ZBTB7C: variants seen among roughly 807,000 people sequenced by gnomAD.
ZBTB7C encodes the protein zinc finger and BTB domain containing 7C, also known as zinc finger and BTB domain-containing protein 7C.
A neutral mutation model predicts 25.7 loss-of-function variants in ZBTB7C; 8 were observed. The ratio of observed to expected loss-of-function variants is 0.31; its 90% CI spans 0.18 to 0.56. The LOEUF (loss-of-function observed/expected upper bound fraction) is 0.56. Ranked by LOEUF, ZBTB7C falls within the 20% of genes least tolerant of loss-of-function variation. ZBTB7C has a pLI of 0.91. For synonymous variants in ZBTB7C, 394 were observed against 369.0 expected, an observed-to-expected ratio of 1.07 and a Z score of -0.78; for missense variants, 824 against 855.2, an observed-to-expected ratio of 0.96 and a Z score of 0.46.
At chr18:48,037,382 C>A (rs997364377) in intron 4 of ZBTB7C, among the ~76,000 whole-genome samples, 1 of 152,220 alleles carries the variant, frequency 6.6e-6, no homozygotes, top group African/African-American at 2.4e-5. Flanking sequence ...AAGTGACCAT[C>A]AGGAATGTGC....
intron 1 of ZBTB7C, among the ~76,000 whole-genome samples, chr18:48,399,795 C>T (rs2048117767): frequency 6.6e-6 from 1 of 152,166 alleles, no homozygotes; most frequent in Non-Finnish European, 1.5e-5. Flanking sequence ...ATTAAAACCC[C>T]AAATCCCCAC....
intron 3 of ZBTB7C, among the ~76,000 whole-genome samples, chr18:48,119,436 G>C (rs897608927): frequency 1.3e-5 from 2 of 152,202 alleles, no homozygotes; most frequent in Non-Finnish European, 2.9e-5. Context: ...GAAGACCTGC[G>C]TTCCACACAT....
chr18:48,164,712 C>G (rs2041182434), intron 3 of ZBTB7C, among the ~76,000 whole-genome samples: 1 of 152,146 alleles, frequency 6.6e-6, no homozygotes, highest in Admixed American at 6.5e-5. Context: ...TTCTCTGGAT[C>G]TCTCAGAAAG....
At chr18:48,267,856 C>T (rs1252673476) in intron 2 of ZBTB7C, among the ~76,000 whole-genome samples, 1 of 152,198 alleles carries the variant, frequency 6.6e-6, no homozygotes, top group Non-Finnish European at 1.5e-5. Context: ...CTACGGGCAC[C>T]TTGATCTTGG....
intron 2 of ZBTB7C, among the ~76,000 whole-genome samples, chr18:48,194,584 G>A (rs1392469600): frequency 6.6e-6 from 1 of 151,056 alleles, no homozygotes. Flanking sequence ...GGATGGGGAG[G>A]ATTTGGAGAG....
chr18:48,132,969 T>C (rs1374694952), intron 3 of ZBTB7C, among the ~76,000 whole-genome samples: 1 of 152,226 alleles, frequency 6.6e-6, no homozygotes, highest in Non-Finnish European at 1.5e-5. Flanking sequence ...CTGGTTTGCA[T>C]CTAATTTGGA....
At chr18:48,327,491 C>G (rs995652934) in intron 2 of ZBTB7C, among the ~76,000 whole-genome samples, 3 of 152,228 alleles carry the variant, frequency 2.0e-5, no homozygotes, top group African/African-American at 7.2e-5. Context: ...TGATCCCCAG[C>G]TCACAGCCAT....
chr18:48,245,108 A>ATATATATATATATATATATATATATATAT (rs2043644968), intron 2 of ZBTB7C, among the ~76,000 whole-genome samples: 1 of 135,422 alleles, frequency 7.4e-6, no homozygotes, highest in African/African-American at 2.7e-5. Flanking sequence ...ATATATACAC[A>ATATATATATATATATATATATATATATAT]CACACACACA....
chr18:48,389,212 C>CG, intron 1 of ZBTB7C, among the ~76,000 whole-genome samples: 1 of 125,836 alleles, frequency 7.9e-6, no homozygotes, highest in Non-Finnish European at 1.6e-5. Context: ...CTCTCTCTCT[C>CG]TCTCTCTCTC....
intron 3 of ZBTB7C, among the ~76,000 whole-genome samples, chr18:48,132,390 TA>T (rs1415443786): frequency 6.6e-6 from 1 of 152,104 alleles, no homozygotes; most frequent in African/African-American, 2.4e-5. Flanking sequence ...AGACAAAAGG[TA>T]GATTATTGGT....
In ZBTB7C at chr18:48,256,130, T is replaced by TA. The variant is rs200915993; in HGVS notation, c.-78-70136dup. Among the ~76,000 whole-genome samples the TA allele has an allele frequency of 4.6e-3, 700 of 151,908 alleles. 6 individuals are homozygous for TA. Among genetic ancestry groups the TA allele is most frequent in the African/African-American group, 0.016 (679 of 41,482 alleles). On this transcript the variant is annotated intron_variant, in intron 2 of 4. Transcript: ENST00000590800. ...CCAAAAAATTACTAAACTTTATTTTTAAAAAAAACTATAAACCCACAGTTC... is the reference window on the plus strand; with the variant it reads ...CCAAAAAATTACTAAACTTTATTTTTAAAAAAAAACTATAAACCCACAGTTC...
rs2040454993 is a variant in ZBTB7C at position 48,144,903 on chromosome 18, C to T, written c.-17+41031G>A. On this transcript the variant is annotated intron_variant, in intron 3 of 4. Coordinates refer to ENST00000590800, the MANE Select transcript of ZBTB7C (RefSeq NM_001318841.2). The stretch of plus-strand genomic sequence containing the variant: ...GAGGCTGGGTTACAGTCCCAGGTTT[C>T]TTAGGTTGAAAGGTACTTATTTGAG... 3.3e-5 allele frequency among the ~76,000 whole-genome samples: 5 copies of T among 152,126 alleles called. No homozygotes were observed. In the South Asian group the frequency reaches 1.0e-3, roughly 32 times the overall value.
chr18:48,384,432 G>A (rs1332117280), intron 1 of ZBTB7C, among the ~76,000 whole-genome samples: 1 of 152,150 alleles, frequency 6.6e-6, no homozygotes, highest in Non-Finnish European at 1.5e-5. Flanking sequence ...TTTTTGAAAG[G>A]GCAGTCTGCC....
Position 48,386,553 on chromosome 18 carries a change from A to G in ZBTB7C, c.-304+22673T>C, listed in dbSNP as rs148980742. ...ATTTTTCAAACCACACATCAGAGCC[A>G]TTCTGGAAAATCCAGCCCATAGAAT... is the stretch of plus-strand genomic sequence containing the variant. On this transcript the variant is annotated intron_variant, in intron 1 of 4. Transcript: ENST00000590800. Among the ~76,000 whole-genome samples the G allele has an allele frequency of 6.8e-3, 1,031 of 152,356 alleles. 44 individuals are homozygous for G. The highest frequency in any genetic ancestry group is 0.061 in the Admixed American group (940 of 15,300).
intron 2 of ZBTB7C, among the ~76,000 whole-genome samples, chr18:48,286,187 G>T (rs910240627): frequency 6.6e-6 from 1 of 151,704 alleles, no homozygotes; most frequent in African/African-American, 2.4e-5. Flanking sequence ...TTTTATCAGG[G>T]TATAATTGTT....
chr18:48,164,320 A>G (rs1049785040), intron 3 of ZBTB7C, among the ~76,000 whole-genome samples: 3 of 152,182 alleles, frequency 2.0e-5, no homozygotes, highest in African/African-American at 7.2e-5. Context: ...ACACAACCAC[A>G]AAATGTGGTG....
At chr18:48,242,182 G>A (rs2043548404) in intron 2 of ZBTB7C, among the ~76,000 whole-genome samples, 1 of 152,102 alleles carries the variant, frequency 6.6e-6, no homozygotes. Context: ...CCAATAACAA[G>A]CAGTGAGATT....
intron 3 of ZBTB7C, among the ~76,000 whole-genome samples, chr18:48,041,979 T>A (rs975114747): frequency 1.3e-5 from 2 of 152,218 alleles, no homozygotes; most frequent in African/African-American, 4.8e-5. Flanking sequence ...TTGTATATGT[T>A]ATACATAAAG....
At chr18:48,279,051 G>A (rs1185804543) in intron 2 of ZBTB7C, among the ~76,000 whole-genome samples, 1 of 151,752 alleles carries the variant, frequency 6.6e-6, no homozygotes, top group Non-Finnish European at 1.5e-5. Flanking sequence ...CTGGTATGCT[G>A]GGCACACTGT....
Sources: gnomAD v4.1 joint callset for allele counts (sites outside exome capture counted in the v4.1 genomes callset) on GRCh38, gnomAD v4.1.1 for gene constraint, MANE v1.5 for transcripts, NCBI Gene and HGNC (gene_info 2026-07-23, HGNC 2026-07-21) for gene names.